ARHGAP10: variants seen among roughly 807,000 people sequenced by gnomAD.
ARHGAP10 encodes Rho GTPase activating protein 10, also known as rho GTPase-activating protein 10.
ARHGAP10 carries 87 observed loss-of-function variants against 108.6 expected under a neutral mutation model. The ratio of observed to expected loss-of-function variants is 0.80; its 90% CI spans 0.67 to 0.96. The LOEUF (loss-of-function observed/expected upper bound fraction) is 0.96. Ranked by LOEUF, ARHGAP10 falls within the 40% of genes least tolerant of loss-of-function variation. ARHGAP10 has a pLI of 0.00. For synonymous variants in ARHGAP10, 347 were observed against 341.1 expected, an observed-to-expected ratio of 1.02 and a Z score of -0.19; for missense variants, 939 against 954.5, an observed-to-expected ratio of 0.98 and a Z score of 0.21.
At chr4:147,815,780 C>T (rs1732218230) in intron 1 of ARHGAP10, among the ~76,000 whole-genome samples, 1 of 152,120 alleles carries the variant, frequency 6.6e-6, no homozygotes, top group Admixed American at 6.5e-5. Flanking sequence ...GTGGGAGTTT[C>T]TCATGAGCCC....
intron 14 of ARHGAP10, among the ~76,000 whole-genome samples, chr4:147,944,847 T>A (rs1455625805): frequency 6.6e-6 from 1 of 152,132 alleles, no homozygotes; most frequent in African/African-American, 2.4e-5. Context: ...CGTAACCCAT[T>A]TCCTGCCTCC....
At chr4:147,860,821 T>A (rs1734284041) in intron 5 of ARHGAP10, among the ~76,000 whole-genome samples, 1 of 152,234 alleles carries the variant, frequency 6.6e-6, no homozygotes, top group East Asian at 1.9e-4. Context: ...AAATTGAAAT[T>A]GTGTATTTGT....
chr4:148,004,953 G>T (rs562326649), intron 18 of ARHGAP10, among the ~76,000 whole-genome samples: 11 of 152,260 alleles, frequency 7.2e-5, no homozygotes, highest in African/African-American at 2.4e-4. Flanking sequence ...CTAATTTGTT[G>T]CACAGCAATA....
At chr4:147,820,254 G>A (rs1034992500) in intron 1 of ARHGAP10, among the ~76,000 whole-genome samples, 3 of 152,110 alleles carry the variant, frequency 2.0e-5, no homozygotes, top group African/African-American at 7.2e-5. Context: ...TTGCATGTTT[G>A]CCTGGTTTAC....
chr4:147,911,529 A>C (rs1011345884), intron 12 of ARHGAP10, among the ~76,000 whole-genome samples: 1 of 152,098 alleles, frequency 6.6e-6, no homozygotes, highest in Non-Finnish European at 1.5e-5. Flanking sequence ...CGCCCGGCTA[A>C]TTTATTGTAT....
intron 10 of ARHGAP10, among the ~76,000 whole-genome samples, chr4:147,884,892 C>T (rs1735480192): frequency 6.6e-6 from 1 of 152,116 alleles, no homozygotes; most frequent in Non-Finnish European, 1.5e-5. Context: ...CAGTGAGTGA[C>T]AATTATATTT....
intron 20 of ARHGAP10, among the ~76,000 whole-genome samples, chr4:148,051,117 C>G (rs1268181893): frequency 6.6e-6 from 1 of 152,192 alleles, no homozygotes. Flanking sequence ...GTAGCTGTTG[C>G]CTCTGATAGG....
chr4:147,804,615 A>G (rs1324796893), intron 1 of ARHGAP10, among the ~76,000 whole-genome samples: 1 of 152,170 alleles, frequency 6.6e-6, no homozygotes, highest in Non-Finnish European at 1.5e-5. Context: ...GCAGTGTATA[A>G]GTGTTCCCTT....
intron 20 of ARHGAP10, among the ~76,000 whole-genome samples, chr4:148,058,510 G>A (rs1729462409): frequency 6.6e-6 from 1 of 152,200 alleles, no homozygotes; most frequent in South Asian, 2.1e-4. Flanking sequence ...TGTATATTAT[G>A]CAAGAAATGT....
intron 18 of ARHGAP10, among the ~76,000 whole-genome samples, chr4:148,006,150 C>T (rs1740939599): frequency 6.6e-6 from 1 of 152,142 alleles, no homozygotes; most frequent in Non-Finnish European, 1.5e-5. Flanking sequence ...TGGAGGAAGC[C>T]AGCTGCCGTG....
intron 1 of ARHGAP10, among the ~76,000 whole-genome samples, chr4:147,736,713 A>G (rs942473386): frequency 7.2e-5 from 11 of 152,194 alleles, no homozygotes; most frequent in Non-Finnish European, 1.3e-4. Flanking sequence ...GTGGTTCTCA[A>G]TCGTAGCTGC....
At chr4:147,926,688 T>C (rs954443862) in intron 13 of ARHGAP10, among the ~76,000 whole-genome samples, 8 of 152,170 alleles carry the variant, frequency 5.3e-5, no homozygotes, top group African/African-American at 1.9e-4. Flanking sequence ...TGAATGCTTC[T>C]ATTTTGATGA....
In ARHGAP10 at chr4:148,023,821, G is replaced by T. The variant is rs570998688; in HGVS notation, c.1867+408G>T. ...GTTCACCATCGCTCTGGGGTTTATG[G>T]CTTGTGTGCCTTACTTGCCCCATTT... On this transcript the variant is annotated intron_variant, in intron 19 of 22. Transcript: ENST00000336498. 2.6e-5 allele frequency among the ~76,000 whole-genome samples: 4 copies of T among 152,338 alleles called. No individual in the cohort carries two copies. The East Asian group carries it at 7.7e-4, about 29-fold the overall frequency.
At chr4:147,987,898 T>C (rs1740102813) in intron 18 of ARHGAP10, among the ~76,000 whole-genome samples, 1 of 152,252 alleles carries the variant, frequency 6.6e-6, no homozygotes. Flanking sequence ...GTCCCAGCTC[T>C]TGTTACTTCC....
intron 1 of ARHGAP10, among the ~76,000 whole-genome samples, chr4:147,814,978 TA>T (rs1395925404): frequency 2.6e-5 from 4 of 152,288 alleles, no homozygotes; most frequent in African/African-American, 9.6e-5. Context: ...TAGCACCCAT[TA>T]AACCAGGCTT....
intron 19 of ARHGAP10, among the ~76,000 whole-genome samples, chr4:148,042,680 T>A (rs192173395): frequency 3.3e-5 from 5 of 152,312 alleles, no homozygotes; most frequent in African/African-American, 1.2e-4. Flanking sequence ...ACCTTGTTTG[T>A]CTTTGCCTGT....
intron 3 of ARHGAP10, among the ~76,000 whole-genome samples, chr4:147,845,464 T>G (rs559115119): frequency 1.3e-5 from 2 of 152,338 alleles, no homozygotes; most frequent in African/African-American, 4.8e-5. Flanking sequence ...TAGATAAATA[T>G]TTAAAGTTTA....
intron 15 of ARHGAP10, among the ~76,000 whole-genome samples, chr4:147,954,151 A>G (rs2575582): frequency 0.86 from 130,353 of 151,912 alleles, 57,763 homozygotes; most frequent in Non-Finnish European, 0.97. Flanking sequence ...GCCTGTATGC[A>G]CTGGGAATGT....
At chr4:147,741,784 A>ACACG (rs1553944859) in intron 1 of ARHGAP10, among the ~76,000 whole-genome samples, 3 of 19,516 alleles carry the variant, frequency 1.5e-4, no homozygotes, top group African/African-American at 2.1e-4. Context: ...ACACACACAC[A>ACACG]CACACACGCA....
Sources: allele counts gnomAD v4.1 joint callset (sites outside exome capture counted in the v4.1 genomes callset), GRCh38; gene constraint gnomAD v4.1.1; transcripts MANE v1.5; gene names NCBI Gene and HGNC (gene_info 2026-07-23, HGNC 2026-07-21).